The following DGKB variants were observed in gnomAD, a reference collection of about 807,000 sequenced individuals.
The protein encoded by DGKB is diacylglycerol kinase beta, also known as 90 kDa diacylglycerol kinase.
In DGKB, 67 loss-of-function variants were observed where a neutral mutation model predicts 114.3. That is an observed-to-expected ratio of 0.59 (90% CI 0.48 to 0.72). DGKB has a LOEUF of 0.72. DGKB is among the 30% of genes least tolerant of loss of function. DGKB has a pLI of 0.00. For synonymous variants in DGKB, 398 were observed against 323.1 expected (o/e 1.23, Z -2.49); for missense variants, 907 against 975.2 (o/e 0.93, Z 0.93).
intron 4 of DGKB, among the ~76,000 whole-genome samples, chr7:14,737,112 A>T (rs1831835345): frequency 6.6e-6 from 1 of 152,106 alleles, no homozygotes; most frequent in African/African-American, 2.4e-5. Context: ...TTTTCTGGGA[A>T]ACAGATGTAG....
chr7:14,874,265 G>A (rs1366726950), intron 1 of DGKB, among the ~76,000 whole-genome samples: 1 of 151,972 alleles, frequency 6.6e-6, no homozygotes, highest in Non-Finnish European at 1.5e-5. Flanking sequence ...TTAATTAGGA[G>A]TTACTAAACC....
intron 23 of DGKB, among the ~76,000 whole-genome samples, chr7:14,291,736 C>G (rs1231148226): frequency 6.6e-6 from 1 of 152,018 alleles, no homozygotes; most frequent in Non-Finnish European, 1.5e-5. Flanking sequence ...CAGTGAATAC[C>G]AGGAATGCAT....
intron 23 of DGKB, among the ~76,000 whole-genome samples, chr7:14,236,933 G>T (rs1045122502): frequency 6.6e-6 from 1 of 151,036 alleles, no homozygotes; most frequent in Non-Finnish European, 1.5e-5. Context: ...AAGTTGTAAT[G>T]TGATGTTTAT....
chr7:14,839,405 T>C (rs951649835), intron 2 of DGKB, among the ~76,000 whole-genome samples: 1 of 150,006 alleles, frequency 6.7e-6, no homozygotes, highest in African/African-American at 2.5e-5. Context: ...ACTCTTCTTC[T>C]TCTTTTTTTT....
rs143874330 is a variant in DGKB at position 14,530,070 on chromosome 7, T to G, written c.1770+44142A>C. On this transcript the variant is annotated intron_variant, in intron 20 of 25. Transcript: ENST00000402815. Reference sequence around the variant, plus strand: ...TGTATCATTACTGAAGTATTTCCTTTGATTGAGAGCTCATTAAAGGTGTCT... The same window carrying G: ...TGTATCATTACTGAAGTATTTCCTTGGATTGAGAGCTCATTAAAGGTGTCT... 5.9e-5 allele frequency among the ~76,000 whole-genome samples: 9 copies of G among 151,804 alleles called. 1 individual carries two copies. In the South Asian group the frequency reaches 1.9e-3, roughly 31 times the overall value.
intron 1 of DGKB, among the ~76,000 whole-genome samples, chr7:14,931,539 C>A (rs1055389953): frequency 1.3e-5 from 2 of 152,088 alleles, no homozygotes; most frequent in Non-Finnish European, 2.9e-5. Context: ...AGTCCTCAGA[C>A]CTTTGGTGAA....
chr7:14,603,592 G>T (rs1670515339), intron 17 of DGKB, among the ~76,000 whole-genome samples: 1 of 151,950 alleles, frequency 6.6e-6, no homozygotes, highest in Non-Finnish European at 1.5e-5. Flanking sequence ...ATATTCCAAA[G>T]TTTCACTATG....
intron 2 of DGKB, among the ~76,000 whole-genome samples, chr7:14,760,087 C>A (rs897232887): frequency 6.6e-6 from 1 of 152,000 alleles, no homozygotes; most frequent in African/African-American, 2.4e-5. Context: ...GTTCTTTGAC[C>A]ATTTTTTAAT....
At chr7:14,678,238 A>G (rs1820216132) in intron 12 of DGKB, among the ~76,000 whole-genome samples, 1 of 152,056 alleles carries the variant, frequency 6.6e-6, no homozygotes, top group African/African-American at 2.4e-5. Flanking sequence ...AAGCAACAGG[A>G]GCGGGCCACA....
intron 17 of DGKB, among the ~76,000 whole-genome samples, chr7:14,584,268 A>G (rs1280755758): frequency 2.6e-5 from 4 of 152,188 alleles, no homozygotes; most frequent in African/African-American, 9.7e-5. Flanking sequence ...ATGAATTTTT[A>G]AGCTATTTCC....
At chr7:14,969,400 A>C (rs1406855404) in intron 1 of DGKB, among the ~76,000 whole-genome samples, 1 of 152,134 alleles carries the variant, frequency 6.6e-6, no homozygotes, top group Non-Finnish European at 1.5e-5. Flanking sequence ...TAAATGTCGT[A>C]ACTGTACTCA....
At chr7:14,616,033 AT>A (rs1389371550) in intron 15 of DGKB, among the ~76,000 whole-genome samples, 3 of 150,822 alleles carry the variant, frequency 2.0e-5, no homozygotes, top group East Asian at 1.9e-4. Flanking sequence ...TAATATTTTT[AT>A]TTTTTTGAAA....
At chr7:14,936,064 G>C (rs976440871) in intron 1 of DGKB, among the ~76,000 whole-genome samples, 1 of 152,120 alleles carries the variant, frequency 6.6e-6, no homozygotes, top group African/African-American at 2.4e-5. Flanking sequence ...AAGAAACTAA[G>C]ATGCATGATT....
chr7:14,317,693 G>A (rs1806862229), intron 23 of DGKB, among the ~76,000 whole-genome samples: 1 of 110,334 alleles, frequency 9.1e-6, no homozygotes, highest in Non-Finnish European at 1.9e-5. Flanking sequence ...TCAATATTGT[G>A]AAAATGGCCA....
intron 1 of DGKB, among the ~76,000 whole-genome samples, chr7:14,944,770 CA>C (rs1785775767): frequency 6.6e-6 from 1 of 150,824 alleles, no homozygotes; most frequent in Non-Finnish European, 1.5e-5. Context: ...CCCCCACAAT[CA>C]ATAGATATGC....
intron 17 of DGKB, among the ~76,000 whole-genome samples, chr7:14,595,387 A>G (rs974753249): frequency 6.6e-6 from 1 of 152,050 alleles, no homozygotes; most frequent in African/African-American, 2.4e-5. Context: ...AGTAATAGAC[A>G]TGTAGAATTT....
At chr7:14,166,979 G>T (rs998623244) in intron 25 of DGKB, among the ~76,000 whole-genome samples, 2 of 152,114 alleles carry the variant, frequency 1.3e-5, no homozygotes, top group Non-Finnish European at 2.9e-5. Flanking sequence ...GGAGGCCAAG[G>T]CAGGCGGATT....
chr7:14,446,375 T>G (rs1167754670), intron 21 of DGKB, among the ~76,000 whole-genome samples: 1 of 152,130 alleles, frequency 6.6e-6, no homozygotes, highest in East Asian at 1.9e-4. Context: ...TTACTTAGTC[T>G]TTCATCAATT....
chr7:14,316,369 A>G (rs1333995261), intron 23 of DGKB, among the ~76,000 whole-genome samples: 1 of 134,462 alleles, frequency 7.4e-6, no homozygotes, highest in Non-Finnish European at 1.6e-5. Context: ...AGGATCAACA[A>G]AATTGATAGA....
Sources: gnomAD v4.1 joint callset for allele counts (sites outside exome capture counted in the v4.1 genomes callset) on GRCh38, gnomAD v4.1.1 for gene constraint, MANE v1.5 for transcripts, NCBI Gene and HGNC (gene_info 2026-07-23, HGNC 2026-07-21) for gene names.